Variants in ISM2 observed in about 807,000 individuals in gnomAD.
The protein encoded by ISM2 is isthmin 2.
ISM2 carries 50 observed loss-of-function variants against 58.0 expected under a neutral mutation model. That is an observed-to-expected ratio of 0.86 (90% CI 0.69 to 1.09). The LOEUF (loss-of-function observed/expected upper bound fraction) is 1.09. Ranked by LOEUF, ISM2 falls within the 50% of genes least tolerant of loss-of-function variation. ISM2 has a pLI of 0.00. For synonymous variants in ISM2, 303 were observed against 312.4 expected (o/e 0.97, Z 0.32); for missense variants, 723 against 745.0 (o/e 0.97, Z 0.34).
chr14:77,496,186 C>CAA lies in ISM2; in HGVS notation c.141+2465_141+2466dup, dbSNP rs1187094203. Among the ~76,000 whole-genome samples, 230 of 118,262 alleles carry CAA rather than the reference C, an allele frequency of 1.9e-3. 4 individuals are homozygous for CAA. Among genetic ancestry groups the CAA allele is most frequent in the Non-Finnish European group, 2.7e-3 (148 of 55,710 alleles). 77.6% of individuals were successfully genotyped at this position (118,262 alleles called of 152,430 possible). On this transcript the variant is annotated intron_variant, in intron 1 of 6. Coordinates refer to ENST00000342219, the MANE Select transcript of ISM2 (RefSeq NM_199296.3). The stretch of plus-strand genomic sequence containing the variant: ...GCCGAGATTGAGCAAGACTCCATGC[C>CAA]AAAAAAAAAAAAAAAAATTCAGCCG...
In ISM2 at chr14:77,484,365, T is replaced by C. The variant is rs756944255; in HGVS notation, c.585A>G (p.Glu195=). The change falls in exon 3 of 7, where the codon GAA becomes GAG. Residue 195 remains glutamate, a synonymous_variant. Transcript: ENST00000342219. ...GGGTACTCAAGGTTGCGTGGACCAA[T>C]TCTGGCAGCTTCTGCAGCTCCAGCA... is the stretch of plus-strand genomic sequence containing the variant. ...PLLLELQKLP[E]LVHATLSTPN... is the part of the protein sequence containing the mutation. The C allele has an allele frequency of 6.2e-7, 1 of 1,611,834 alleles. No homozygotes were observed. Among genetic ancestry groups the C allele is most frequent in the South Asian group, 1.1e-5 (1 of 90,858 alleles).
chr14:77,484,978 G>A, intron 1 of ISM2, 59 bp from the exon 2 acceptor site: 3 of 1,511,186 alleles, frequency 2.0e-6, no homozygotes, highest in Non-Finnish European at 2.7e-6. Context: ...CGGGGATCCG[G>A]AAAAGGCTGG....
At chr14:77,498,459 G>A in intron 1 of ISM2, 194 bp downstream of exon 1, 4 of 1,179,536 alleles carry the variant, frequency 3.4e-6, no homozygotes, top group Non-Finnish European at 4.8e-6. Context: ...CGCGCGAGGA[G>A]TGGAAGCCCC....
At chr14:77,488,324 G>A (rs536999505) in intron 1 of ISM2, among the ~76,000 whole-genome samples, 19 of 152,316 alleles carry the variant, frequency 1.2e-4, no homozygotes, top group Middle Eastern at 6.8e-3. Context: ...CTTATGTAAG[G>A]TCTTAAAGGT....
intron 1 of ISM2, among the ~76,000 whole-genome samples, chr14:77,497,239 G>A (rs1249996892): frequency 2.0e-5 from 3 of 151,888 alleles, no homozygotes; most frequent in African/African-American, 7.3e-5. Context: ...GCGGTGGCAG[G>A]CGCCTGTTAT....
Position 77,482,344 on chromosome 14 carries a change from G to T in ISM2, c.951C>A (p.Val317=). ...DQGWLAPGDW[V]FKDSVSYDYE... ...CACCGTAGCTGACAGAATCCTTGAA[G>T]ACCCAATCCCCGGGGGCCAGCCAGC... Residue 317 remains valine, a synonymous_variant, in exon 4 of 7, where the codon GTC becomes GTA. Coordinates refer to ENST00000342219, the MANE Select transcript of ISM2 (RefSeq NM_199296.3). 6.2e-7 allele frequency: 1 copy of T among 1,613,504 alleles called. No homozygotes were observed. Among genetic ancestry groups the T allele is most frequent in the Non-Finnish European group, 8.5e-7 (1 of 1,179,784 alleles).
chr14:77,483,448 T>C (rs1421869704), intron 3 of ISM2, among the ~76,000 whole-genome samples: 1 of 150,412 alleles, frequency 6.6e-6, no homozygotes, highest in Non-Finnish European at 1.5e-5. Context: ...CTTGGGAGCC[T>C]GAGGCAGGAA....
Position 77,482,421 on chromosome 14 carries a change from C to T in ISM2, c.874G>A (p.Glu292Lys). Residue 292 changes from glutamate to lysine, a missense_variant, in exon 4 of 7, where the codon GAG becomes AAG. Glu to Lys is a moderately conservative substitution (Grantham distance 56). Transcript: ENST00000342219. ...TTGAACCAGAGCGCCTGCTCTTCCTCATCTTCCTCTTTGTCCTCTTGATCC... is the reference window on the plus strand; with the variant it reads ...TTGAACCAGAGCGCCTGCTCTTCCTTATCTTCCTCTTTGTCCTCTTGATCC... ...GEDQEDKEED[E>K]EEQALWFNGT... The T allele has an allele frequency of 6.2e-7, 1 of 1,614,238 alleles. No individual in the cohort carries two copies. Among genetic ancestry groups the T allele is most frequent in the South Asian group, 1.1e-5 (1 of 91,088 alleles).
intron 1 of ISM2, among the ~76,000 whole-genome samples, chr14:77,492,662 T>TA (rs1240715705): frequency 1.3e-5 from 2 of 151,720 alleles, no homozygotes; most frequent in East Asian, 3.9e-4. Context: ...AGGCATGCAC[T>TA]ACCCATGCCT....
At chr14:77,482,768 C>T in intron 3 of ISM2, 101 bp from the exon 4 acceptor site, 2 of 717,908 alleles carry the variant, frequency 2.8e-6, no homozygotes, top group Non-Finnish European at 4.5e-6. Context: ...AGAGGCCCAA[C>T]CTTTCCTTCA....
chr14:77,486,121 G>A (rs957324234), intron 1 of ISM2, among the ~76,000 whole-genome samples: 2 of 152,228 alleles, frequency 1.3e-5, no homozygotes, highest in Non-Finnish European at 2.9e-5. Flanking sequence ...ACCTGCCTGA[G>A]GTTGCACAGA....
rs777185603 is a variant in ISM2, at chr14:77,482,428, C to T, written c.867G>A (p.Glu289=). ...AGAGCGCCTGCTCTTCCTCATCTTC[C>T]TCTTTGTCCTCTTGATCCTCACCCT... The part of the protein sequence containing the change: ...DIEGEDQEDK[E]EDEEEQALWF... Residue 289 remains glutamate, a synonymous_variant, in exon 4 of 7, where the codon GAG becomes GAA. Coordinates refer to ENST00000342219, the MANE Select transcript of ISM2 (RefSeq NM_199296.3). 1.2e-6 allele frequency: 2 copies of T among 1,614,184 alleles called. No individual in the cohort carries two copies. Among genetic ancestry groups the T allele is most frequent in the Admixed American group, 3.3e-5 (2 of 60,018 alleles).
At chr14:77,496,967 G>A (rs1207519720) in intron 1 of ISM2, among the ~76,000 whole-genome samples, 1 of 151,950 alleles carries the variant, frequency 6.6e-6, no homozygotes. Flanking sequence ...ACGGCCTTTG[G>A]AGGGTTTCAG....
chr14:77,494,031 C>T (rs1426762271), intron 1 of ISM2, among the ~76,000 whole-genome samples: 2 of 152,236 alleles, frequency 1.3e-5, no homozygotes, highest in African/African-American at 4.8e-5. Context: ...CCCGCCTCGG[C>T]CTCCCAAAGT....
chr14:77,487,516 TCAGAC>T (rs1430858863), intron 1 of ISM2, among the ~76,000 whole-genome samples: 4 of 152,152 alleles, frequency 2.6e-5, no homozygotes, highest in Admixed American at 2.0e-4. Context: ...TGGTGCCCAG[TCAGAC>T]CATAGGGTGG....
chr14:77,481,755 C>T (rs946015832), intron 4 of ISM2, among the ~76,000 whole-genome samples: 3 of 151,484 alleles, frequency 2.0e-5, no homozygotes, highest in African/African-American at 7.3e-5. Context: ...ATGTCTTTTG[C>T]TTAGGGGATA....
At chr14:77,487,218 C>T (rs1285345126) in intron 1 of ISM2, among the ~76,000 whole-genome samples, 1 of 150,988 alleles carries the variant, frequency 6.6e-6, no homozygotes, top group Non-Finnish European at 1.5e-5. Flanking sequence ...GCACTCCAGC[C>T]TGGGCAACAG....
At position 77,474,711 on chromosome 14, in the gene ISM2, A is replaced by T. The variant is rs1383274631; in HGVS notation, c.*884T>A. ...CCACAGAAGCTGCCCAAATGCAATA[A>T]ATCAGGGCTTTTTTCCCCTCCCAGA... On this transcript the variant is annotated 3_prime_UTR_variant, in exon 7 of 7. Transcript: ENST00000342219. 1 of 152,262 alleles carries T rather than the reference A, an allele frequency of 6.6e-6. No homozygotes were observed. Among genetic ancestry groups the T allele is most frequent in the Non-Finnish European group, 1.5e-5 (1 of 68,080 alleles). The allele number at this position is 152,262 out of a possible 1,614,324, so 9.4% of individuals were successfully genotyped here. A position where few individuals can be genotyped will look rare whatever the true frequency, so the allele number is the denominator to read the frequency against.
intron 4 of ISM2, 75 bp downstream of exon 4, chr14:77,482,247 C>G (rs2079136343): frequency 8.6e-7 from 1 of 1,163,666 alleles, no homozygotes; most frequent in Non-Finnish European, 1.2e-6. Context: ...GAAGCCTCCA[C>G]CCTCTCCCTC....
Sources: allele counts gnomAD v4.1 joint callset (sites outside exome capture counted in the v4.1 genomes callset), GRCh38; gene constraint gnomAD v4.1.1; transcripts MANE v1.5; gene names NCBI Gene and HGNC (gene_info 2026-07-23, HGNC 2026-07-21).